DOCK4: variants seen among roughly 807,000 people sequenced by gnomAD.
DOCK4 encodes the protein dedicator of cytokinesis 4.
Under a neutral mutation model 268.1 loss-of-function variants are expected in DOCK4, and 97 were observed. The observed-to-expected ratio is 0.36, with a 90% CI of 0.31 to 0.43. The LOEUF (loss-of-function observed/expected upper bound fraction) is 0.43. Among genes scored for constraint, DOCK4 ranks in the 20% least tolerant of loss-of-function variants. The pLI is 1.00. For missense variants in DOCK4, 2,145 were observed against 2,455.7 expected (o/e 0.87, Z 2.67); for synonymous variants, 954 against 887.2 (o/e 1.08, Z -1.34).
chr7:111,889,301 G>T (rs1253433757), intron 16 of DOCK4, among the ~76,000 whole-genome samples: 1 of 152,132 alleles, frequency 6.6e-6, no homozygotes, highest in Non-Finnish European at 1.5e-5. Context: ...GGGGAAGACA[G>T]ATATGTTCCT....
At chr7:111,929,597 T>G in intron 12 of DOCK4, among the ~76,000 whole-genome samples, 1 of 152,208 alleles carries the variant, frequency 6.6e-6, no homozygotes, top group East Asian at 1.9e-4. Context: ...ATGACTACAT[T>G]GGTATGTGTG....
intron 10 of DOCK4, among the ~76,000 whole-genome samples, chr7:111,943,110 A>G (rs7801772): frequency 0.092 from 14,003 of 152,242 alleles, 895 homozygotes; most frequent in East Asian, 0.36. Context: ...CAAAATGTTG[A>G]ACTGGTAAAT....
rs779005218 is a variant in DOCK4, at chr7:111,926,238, T to TA, written c.1066+9301dup. ...ATCGAGACTATCCTGGCCAACATGGTAAAACCCCATCTCTACTAAAATACA... is the reference window on the plus strand; with the variant it reads ...ATCGAGACTATCCTGGCCAACATGGTAAAAACCCCATCTCTACTAAAATACA... On this transcript the variant is annotated intron_variant, in intron 12 of 52. Coordinates refer to ENST00000428084, the MANE Select transcript of DOCK4 (RefSeq NM_001363540.2). Among the ~76,000 whole-genome samples, 5 of 140,464 alleles carry TA rather than the reference T, an allele frequency of 3.6e-5. 1 individual carries two copies. The highest frequency in any genetic ancestry group is 2.1e-4 in the East Asian group (1 of 4,726). The allele number at this position is 140,464 out of a possible 152,430, so 92.1% of individuals were successfully genotyped here. A position where few individuals can be genotyped will look rare whatever the true frequency, so the allele number is the denominator to read the frequency against.
In DOCK4 at chr7:112,018,143, C is replaced by CAAAAAAA. The variant is rs140883588; in HGVS notation, c.38-14019_38-14013dup. Among the ~76,000 whole-genome samples, 123 of 20,638 alleles carry CAAAAAAA rather than the reference C, an allele frequency of 6.0e-3. 47 individuals are homozygous for CAAAAAAA. Among genetic ancestry groups the CAAAAAAA allele is most frequent in the East Asian group, 0.04 (8 of 198 alleles). 13.5% of individuals were successfully genotyped at this position (20,638 alleles called of 152,430 possible). ...TGGGCAACACAGCAAGACTCCAGCTCAAAAAAAAAAAAAAAAAAAAAAAAA... is the reference window on the plus strand; with the variant it reads ...TGGGCAACACAGCAAGACTCCAGCTCAAAAAAAAAAAAAAAAAAAAAAAAAAAAAAAA... On this transcript the variant is annotated intron_variant, in intron 1 of 52. Coordinates refer to ENST00000428084, the MANE Select transcript of DOCK4 (RefSeq NM_001363540.2).
At chr7:111,925,523 G>A (rs1333690245) in intron 12 of DOCK4, among the ~76,000 whole-genome samples, 1 of 152,170 alleles carries the variant, frequency 6.6e-6, no homozygotes. Context: ...AAATGAGCCA[G>A]GTTAGATGGA....
At chr7:112,056,506 G>C (rs1805832760) in intron 1 of DOCK4, among the ~76,000 whole-genome samples, 1 of 152,130 alleles carries the variant, frequency 6.6e-6, no homozygotes, top group African/African-American at 2.4e-5. Flanking sequence ...CTGCATCACA[G>C]GGTAATGGAA....
intron 35 of DOCK4, among the ~76,000 whole-genome samples, chr7:111,779,300 A>T (rs912276635): frequency 6.6e-6 from 1 of 152,210 alleles, no homozygotes; most frequent in Non-Finnish European, 1.5e-5. Context: ...AAACATGTTT[A>T]TTGAAAATAT....
At chr7:112,097,808 G>A (rs1284928063) in intron 1 of DOCK4, among the ~76,000 whole-genome samples, 1 of 152,180 alleles carries the variant, frequency 6.6e-6, no homozygotes, top group African/African-American at 2.4e-5. Flanking sequence ...CTGAATGCCA[G>A]AATGTCAAAG....
At chr7:111,984,539 T>A in intron 6 of DOCK4, 149 bp from the exon 7 acceptor site, 2 of 658,702 alleles carry the variant, frequency 3.0e-6, no homozygotes, top group Non-Finnish European at 5.2e-6. Flanking sequence ...ACAGTTGGGG[T>A]AGACAATATA....
intron 30 of DOCK4, among the ~76,000 whole-genome samples, chr7:111,791,306 T>C (rs74488126): frequency 0.014 from 1,428 of 101,722 alleles, 15 homozygotes; most frequent in African/African-American, 0.057. Flanking sequence ...CACACACACA[T>C]ATATCTTAGT....
chr7:111,800,322 T>C (rs1247899078), intron 30 of DOCK4, among the ~76,000 whole-genome samples: 1 of 151,958 alleles, frequency 6.6e-6, no homozygotes, highest in Non-Finnish European at 1.5e-5. Flanking sequence ...GTGGAAGCTA[T>C]AAAAAAATTA....
chr7:111,926,513 GA>G lies in DOCK4; in HGVS notation c.1066+9026del, dbSNP rs1030268884. Among the ~76,000 whole-genome samples the G allele has an allele frequency of 1.4e-4, 19 of 140,546 alleles. 1 individual carries two copies. Among genetic ancestry groups the G allele is most frequent in the East Asian group, 2.1e-4 (1 of 4,814 alleles). 92.2% of individuals were successfully genotyped at this position (140,546 alleles called of 152,430 possible). A position where few individuals can be genotyped will look rare whatever the true frequency, so the allele number is the denominator to read the frequency against. On this transcript the variant is annotated intron_variant, in intron 12 of 52. Coordinates refer to ENST00000428084, the MANE Select transcript of DOCK4 (RefSeq NM_001363540.2). ...AAGAAACAAAGAAAAAAAGAAGGAA[GA>G]AAAAAAGAAAGAAAAAGAGAAAGAG...
In DOCK4 at chr7:112,138,145, ACCT is replaced by A. The variant is rs749208688; in HGVS notation, c.37+67954_37+67956del. ...TGTCAGTTCTCCTGGCTCCCTTCAA[ACCT>A]CCTATTCTGTTATTTCCCTTTTACT... On this transcript the variant is annotated intron_variant, in intron 1 of 52. Transcript: ENST00000428084. 3.3e-5 allele frequency among the ~76,000 whole-genome samples: 5 copies of A among 151,840 alleles called. No individual in the cohort carries two copies. In the South Asian group the frequency reaches 1.0e-3, roughly 32 times the overall value.
At chr7:111,800,383 C>T (rs1429154041) in intron 30 of DOCK4, among the ~76,000 whole-genome samples, 1 of 152,186 alleles carries the variant, frequency 6.6e-6, no homozygotes, top group African/African-American at 2.4e-5. Context: ...AATAACATAT[C>T]TCTCCCGATC....
At chr7:112,167,667 T>G (rs1336917571) in intron 1 of DOCK4, among the ~76,000 whole-genome samples, 1 of 152,184 alleles carries the variant, frequency 6.6e-6, no homozygotes, top group Non-Finnish European at 1.5e-5. Context: ...CCTTTGGAGT[T>G]TATGCTTTGG....
chr7:112,185,133 C>T (rs1460281493), intron 1 of DOCK4, among the ~76,000 whole-genome samples: 1 of 152,090 alleles, frequency 6.6e-6, no homozygotes, highest in Non-Finnish European at 1.5e-5. Context: ...ACAGAGCACC[C>T]GTTACACACA....
rs74647437 is a variant in DOCK4 at position 111,802,600 on chromosome 7, T to C, written c.3166+6221A>G. On this transcript the variant is annotated intron_variant, in intron 30 of 52. Transcript: ENST00000428084. ...GCTTCTATGTTACTATCTTGGTCTT[T>C]AGTCTTTCCGGAGCCTGGCATCCCT... 8.3e-4 allele frequency among the ~76,000 whole-genome samples: 126 copies of C among 152,326 alleles called. 2 individuals carry two copies. The East Asian group carries it at 0.023, about 28-fold the overall frequency.
chr7:112,178,669 A>G (rs990559146), intron 1 of DOCK4, among the ~76,000 whole-genome samples: 1 of 152,214 alleles, frequency 6.6e-6, no homozygotes, highest in Non-Finnish European at 1.5e-5. Flanking sequence ...CGACAAGCAC[A>G]TTTTTTGGTT....
intron 1 of DOCK4, among the ~76,000 whole-genome samples, chr7:112,039,976 T>C (rs1299859159): frequency 6.6e-6 from 1 of 152,304 alleles, no homozygotes; most frequent in East Asian, 1.9e-4. Context: ...TTATTCATAC[T>C]GCTATTTTTA....
Sources: allele counts gnomAD v4.1 joint callset (sites outside exome capture counted in the v4.1 genomes callset), GRCh38; gene constraint gnomAD v4.1.1; transcripts MANE v1.5; gene names NCBI Gene and HGNC (gene_info 2026-07-23, HGNC 2026-07-21).